SFXN5: variants seen among roughly 807,000 people sequenced by gnomAD.
The protein encoded by SFXN5 is sideroflexin 5.
Under a neutral mutation model 50.2 loss-of-function variants are expected in SFXN5, and 43 were observed. The ratio of observed to expected loss-of-function variants is 0.86; its 90% confidence interval spans 0.67 to 1.11. The LOEUF (loss-of-function observed/expected upper bound fraction) is 1.11. Among genes scored for constraint, SFXN5 ranks in the 50% least tolerant of loss-of-function variants. The pLI is 0.00. For missense variants in SFXN5, 463 were observed against 454.1 expected, an observed-to-expected ratio of 1.02 and a Z score of -0.18; for synonymous variants, 203 against 185.8, an observed-to-expected ratio of 1.09 and a Z score of -0.75.
chr2:72,974,751 T>C (rs1670424370), intron 10 of SFXN5, among the ~76,000 whole-genome samples: 1 of 152,024 alleles, frequency 6.6e-6, no homozygotes, highest in Middle Eastern at 3.4e-3. Context: ...AATTCTGCCA[T>C]ATCCTTTTCA....
Position 72,944,913 on chromosome 2 carries a change from G to T in SFXN5, c.*109C>A. On this transcript the variant is annotated 3_prime_UTR_variant, in exon 14 of 14. Transcript: ENST00000272433. Reference sequence around the variant, plus strand: ...TTGAGCACTCTCCCAGGGGGCCCAGGACTGCTGGGGTTGGCGTGCTGCTCC... The same window carrying T: ...TTGAGCACTCTCCCAGGGGGCCCAGTACTGCTGGGGTTGGCGTGCTGCTCC... 2 of 972,692 alleles carry T rather than the reference G, an allele frequency of 2.1e-6. No homozygotes were observed. The highest frequency in any genetic ancestry group is 3.1e-5 in the South Asian group (2 of 64,882). 60.3% of individuals were successfully genotyped at this position (972,692 alleles called of 1,614,324 possible).
rs1285205093 is a variant in SFXN5 at position 73,001,517 on chromosome 2, A to G, written c.411+8T>C. ...CTTCAGGAGCCCTGTTTGCTGCGAG[A>G]CTGTTACCTGCCAGAAGACAGTGGA... On this transcript the variant is annotated splice_region_variant and intron_variant, in intron 7 of 13. Coordinates refer to ENST00000272433, the MANE Select transcript of SFXN5 (RefSeq NM_144579.3). The G allele has an allele frequency of 6.2e-7, 1 of 1,614,102 alleles. No homozygotes were observed. The highest frequency in any genetic ancestry group is 2.2e-5 in the East Asian group (1 of 44,878).
chr2:73,024,118 G>A (rs536555885), intron 3 of SFXN5, among the ~76,000 whole-genome samples: 1 of 151,908 alleles, frequency 6.6e-6, no homozygotes, highest in African/African-American at 2.4e-5. Flanking sequence ...CTGTCTCCCG[G>A]GTTCAAGCGA....
At chr2:72,978,922 G>A (rs1426106495) in intron 10 of SFXN5, among the ~76,000 whole-genome samples, 1 of 152,176 alleles carries the variant, frequency 6.6e-6, no homozygotes, top group Admixed American at 6.5e-5. Context: ...AGAGCACAAG[G>A]TTGTTTAGAG....
chr2:72,967,092 A>G (rs1180375188), intron 12 of SFXN5: 1 of 152,162 alleles, frequency 6.6e-6, no homozygotes, highest in Non-Finnish European at 1.5e-5. Context: ...CTAGTACATG[A>G]CCGTAAGTGG....
chr2:72,981,880 C>T (rs751242171), intron 10 of SFXN5, among the ~76,000 whole-genome samples: 11 of 152,086 alleles, frequency 7.2e-5, no homozygotes, highest in Non-Finnish European at 1.3e-4. Flanking sequence ...TTCCTAAAAT[C>T]GTAGAGGTGA....
At chr2:73,054,684 C>G (rs897772462) in intron 2 of SFXN5, among the ~76,000 whole-genome samples, 1 of 152,172 alleles carries the variant, frequency 6.6e-6, no homozygotes, top group Non-Finnish European at 1.5e-5. Flanking sequence ...TACCATGTCT[C>G]AATATGTCTT....
chr2:73,065,966 G>C (rs545585510), intron 1 of SFXN5, among the ~76,000 whole-genome samples: 4 of 152,338 alleles, frequency 2.6e-5, no homozygotes, highest in Admixed American at 2.6e-4. Context: ...GGGCCGGAAG[G>C]AAAAACAGTG....
intron 3 of SFXN5, among the ~76,000 whole-genome samples, chr2:73,023,619 T>C (rs1313004738): frequency 6.6e-6 from 1 of 152,202 alleles, no homozygotes; most frequent in African/African-American, 2.4e-5. Flanking sequence ...CAGCATAATA[T>C]AATTTTTTCA....
intron 9 of SFXN5, among the ~76,000 whole-genome samples, chr2:72,989,953 C>T (rs1672383677): frequency 6.6e-6 from 1 of 152,214 alleles, no homozygotes; most frequent in African/African-American, 2.4e-5. Context: ...CTCAGCAGCC[C>T]ACCCTGTGCC....
At chr2:72,978,384 G>C (rs574713021) in intron 10 of SFXN5, among the ~76,000 whole-genome samples, 1 of 151,146 alleles carries the variant, frequency 6.6e-6, no homozygotes, top group South Asian at 2.1e-4. Flanking sequence ...CCGGGTTCAA[G>C]CGATTCTCCT....
At chr2:73,034,438 C>T (rs535529849) in intron 3 of SFXN5, among the ~76,000 whole-genome samples, 3 of 152,360 alleles carry the variant, frequency 2.0e-5, no homozygotes, top group Admixed American at 2.0e-4. Context: ...CCAAACACAG[C>T]TGACCCCATT....
At chr2:73,044,280 C>A (rs766609988) in intron 2 of SFXN5, among the ~76,000 whole-genome samples, 3 of 152,246 alleles carry the variant, frequency 2.0e-5, no homozygotes, top group Non-Finnish European at 2.9e-5. Flanking sequence ...GCAGACAAAT[C>A]TGAGGGCCCA....
intron 1 of SFXN5, among the ~76,000 whole-genome samples, chr2:73,065,382 T>C (rs1683098694): frequency 6.6e-6 from 1 of 152,064 alleles, no homozygotes; most frequent in Non-Finnish European, 1.5e-5. Context: ...ATTACAGGCA[T>C]GAGCCAACTG....
intron 1 of SFXN5, chr2:73,071,214 TC>T: frequency 5.1e-6 from 1 of 194,384 alleles, no homozygotes; most frequent in Non-Finnish European, 1.1e-5. Context: ...CAACTTCCCA[TC>T]CAGGGCCAGA....
chr2:73,003,300 T>C (rs1674170163), intron 6 of SFXN5, among the ~76,000 whole-genome samples: 1 of 152,186 alleles, frequency 6.6e-6, no homozygotes, highest in Non-Finnish European at 1.5e-5. Context: ...CACGGTGTCT[T>C]ATGGACTACA....
chr2:72,955,464 G>A (rs1672989264), intron 13 of SFXN5, among the ~76,000 whole-genome samples: 1 of 152,230 alleles, frequency 6.6e-6, no homozygotes, highest in Non-Finnish European at 1.5e-5. Flanking sequence ...GGAAAAGAGA[G>A]GGGACTGCGG....
intron 1 of SFXN5, among the ~76,000 whole-genome samples, chr2:73,070,176 A>G (rs1683470744): frequency 6.6e-6 from 1 of 152,140 alleles, no homozygotes; most frequent in Non-Finnish European, 1.5e-5. Flanking sequence ...CAGGCAATGT[A>G]ATAAGGTCAC....
intron 5 of SFXN5, 86 bp from the exon 6 acceptor site, chr2:73,020,350 G>T: frequency 7.3e-7 from 1 of 1,360,618 alleles, no homozygotes; most frequent in Non-Finnish European, 1.0e-6. Context: ...TAGGTCTTAG[G>T]CTATCAGTGG....
Sources: gnomAD v4.1 joint callset for allele counts (sites outside exome capture counted in the v4.1 genomes callset) on GRCh38, gnomAD v4.1.1 for gene constraint, MANE v1.5 for transcripts, NCBI Gene and HGNC (gene_info 2026-07-23, HGNC 2026-07-21) for gene names.